PGRMC2: variants seen among roughly 807,000 people sequenced by gnomAD.
The protein encoded by PGRMC2 is membrane-associated progesterone receptor component 2.
Under a neutral mutation model 19.3 loss-of-function variants are expected in PGRMC2, and 9 were observed. The ratio of observed to expected loss-of-function variants is 0.47; its 90% CI spans 0.28 to 0.81. The LOEUF is 0.81. Among genes scored for constraint, PGRMC2 ranks in the 40% least tolerant of loss-of-function variants. The pLI, the probability that PGRMC2 is intolerant of heterozygous loss-of-function variation, is 0.11. For synonymous variants in PGRMC2, 157 were observed against 124.6 expected (o/e 1.26, Z -1.73); for missense variants, 289 against 297.3 (o/e 0.97, Z 0.21).
At chr4:128,275,724 A>T (rs759722146) in intron 1 of PGRMC2, among the ~76,000 whole-genome samples, 1 of 152,122 alleles carries the variant, frequency 6.6e-6, no homozygotes, top group Non-Finnish European at 1.5e-5. Context: ...CCATTAAAAA[A>T]ATTTTTTTTG....
At chr4:128,285,496 GTCTC>G (rs1375055100) in intron 1 of PGRMC2, among the ~76,000 whole-genome samples, 1 of 152,184 alleles carries the variant, frequency 6.6e-6, no homozygotes, top group Non-Finnish European at 1.5e-5. Context: ...TTCTATGACT[GTCTC>G]TCTTAGCTAT....
intron 1 of PGRMC2, among the ~76,000 whole-genome samples, chr4:128,284,153 G>A (rs1760951043): frequency 6.6e-6 from 1 of 151,996 alleles, no homozygotes. Context: ...TTGGATTTAT[G>A]GGAACCAGGG....
At chr4:128,272,224 C>G (rs1760741114) in intron 2 of PGRMC2, 138 bp downstream of exon 2, 1 of 528,602 alleles carries the variant, frequency 1.9e-6, no homozygotes, top group African/African-American at 2.0e-5. Flanking sequence ...CCAGCTTTAG[C>G]TATCTTTAAA....
chr4:128,279,565 A>G (rs1760872467), intron 1 of PGRMC2, among the ~76,000 whole-genome samples: 1 of 152,224 alleles, frequency 6.6e-6, no homozygotes, highest in African/African-American at 2.4e-5. Context: ...AATTTTACAC[A>G]CATGTGTAAA....
chr4:128,272,577 G>GAAAAAAAAA (rs1760747896), intron 1 of PGRMC2, 60 bp from the exon 2 acceptor site: 1 of 479,924 alleles, frequency 2.1e-6, no homozygotes, highest in Non-Finnish European at 2.9e-6. Context: ...TGTCTCAAAG[G>GAAAAAAAAA]AAAAAGTAAA....
At chr4:128,272,583 G>C in intron 1 of PGRMC2, 66 bp from the exon 2 acceptor site, 6 of 184,036 alleles carry the variant, frequency 3.3e-5, no homozygotes, top group Non-Finnish European at 3.3e-5. Context: ...AAAGGAAAAA[G>C]TAAAAAAAAA....
chr4:128,285,911 G>A (rs562211927), intron 1 of PGRMC2, among the ~76,000 whole-genome samples: 2 of 152,060 alleles, frequency 1.3e-5, no homozygotes, highest in African/African-American at 4.8e-5. Flanking sequence ...TGTAAGCTAT[G>A]TATTTACTTG....
intron 1 of PGRMC2, 102 bp downstream of exon 1, chr4:128,287,271 A>G: frequency 2.2e-6 from 3 of 1,370,104 alleles, no homozygotes; most frequent in Non-Finnish European, 2.9e-6. Context: ...CCCGGAGACG[A>G]GAAGGCTGGG....
intron 1 of PGRMC2, among the ~76,000 whole-genome samples, chr4:128,276,242 T>G (rs979727149): frequency 6.6e-6 from 1 of 152,246 alleles, no homozygotes; most frequent in Non-Finnish European, 1.5e-5. Context: ...GTAAGTATAC[T>G]TGGCTATTCA....
At chr4:128,275,440 TAA>T (rs1186203344) in intron 1 of PGRMC2, among the ~76,000 whole-genome samples, 6 of 152,172 alleles carry the variant, frequency 3.9e-5, no homozygotes, top group Non-Finnish European at 8.8e-5. Context: ...AAAAATTTCA[TAA>T]AATATGCTCT....
rs1215527014 is a variant in PGRMC2, at chr4:128,272,473, G to A, written c.463C>T (p.Leu155=). Residue 155 remains leucine (L), a synonymous_variant, in exon 2 of 3, where the codon CTG becomes TTG. Coordinates refer to ENST00000296425, the MANE Select transcript of PGRMC2 (RefSeq NM_006320.6). The part of the protein sequence containing the change: ...IFAGRDASRG[L]ATFCLDKDAL... ...TCTTTATCTAGGCAAAATGTGGCCA[G>A]TCCTCTGGAGGCATCCCTACCAGCA... The A allele has an allele frequency of 1.3e-6, 2 of 1,556,912 alleles. No individual in the cohort carries two copies. Among genetic ancestry groups the A allele is most frequent in the African/African-American group, 1.4e-5 (1 of 72,104 alleles).
rs999450926 is a variant in PGRMC2, at chr4:128,287,254, C to T, written c.418+119G>A. 28 of 1,221,424 alleles carry T rather than the reference C, an allele frequency of 2.3e-5. No individual in the cohort carries two copies. The Admixed American group carries it at 2.8e-4, about 12-fold the overall frequency. 75.7% of individuals were successfully genotyped at this position (1,221,424 alleles called of 1,614,324 possible). On this transcript the variant is annotated intron_variant, in intron 1 of 2. Coordinates refer to ENST00000296425, the MANE Select transcript of PGRMC2 (RefSeq NM_006320.6). ...CGTCCCAGGTGCGGCGGCCGAGGCG[C>T]GGGGGTCCCGGAGACGAGAAGGCTG...
chr4:128,277,189 CAAAA>C (rs1336652318), intron 1 of PGRMC2, among the ~76,000 whole-genome samples: 1 of 150,198 alleles, frequency 6.7e-6, no homozygotes, highest in East Asian at 1.9e-4. Context: ...AACAAACAAA[CAAAA>C]CAAACCCAAC....
intron 1 of PGRMC2, among the ~76,000 whole-genome samples, chr4:128,280,711 C>T (rs1760896337): frequency 6.6e-6 from 1 of 152,030 alleles, no homozygotes; most frequent in African/African-American, 2.4e-5. Flanking sequence ...GATCTTAATA[C>T]CTCAGACTCT....
intron 1 of PGRMC2, among the ~76,000 whole-genome samples, chr4:128,276,613 G>A (rs1760817466): frequency 1.3e-5 from 2 of 152,178 alleles, no homozygotes; most frequent in Admixed American, 1.3e-4. Flanking sequence ...ATGAGCCACT[G>A]TGCCCAGCCT....
rs946654485 is a variant in PGRMC2, at chr4:128,279,687, T to C, written c.419-7170A>G. Among the ~76,000 whole-genome samples, 7 of 152,232 alleles carry C rather than the reference T, an allele frequency of 4.6e-5. No individual in the cohort carries two copies. The East Asian group carries it at 1.3e-3, about 29-fold the overall frequency. The stretch of plus-strand genomic sequence containing the variant: ...TTCATAAAATAGAATATTATGCATG[T>C]ATTCAAAAGAATAAGATGGCTCTCT... On this transcript the variant is annotated intron_variant, in intron 1 of 2. Coordinates refer to ENST00000296425, the MANE Select transcript of PGRMC2 (RefSeq NM_006320.6).
intron 1 of PGRMC2, among the ~76,000 whole-genome samples, chr4:128,274,503 T>A (rs1398403307): frequency 8.3e-6 from 1 of 119,926 alleles, no homozygotes; most frequent in Non-Finnish European, 1.6e-5. Flanking sequence ...AAAGCAAGAC[T>A]CCTTCTCCAA....
At chr4:128,275,551 T>C (rs1022357302) in intron 1 of PGRMC2, among the ~76,000 whole-genome samples, 1 of 152,216 alleles carries the variant, frequency 6.6e-6, no homozygotes, top group Non-Finnish European at 1.5e-5. Flanking sequence ...TGATGTTCTG[T>C]TGACTCTTGA....
At chr4:128,272,710 G>T (rs1354314390) in intron 1 of PGRMC2, 193 bp from the exon 2 acceptor site, 2 of 384,218 alleles carry the variant, frequency 5.2e-6, no homozygotes, top group African/African-American at 4.2e-5. Context: ...TTGGAAATCT[G>T]CCTTTTGACC....
Sources: allele counts gnomAD v4.1 joint callset (sites outside exome capture counted in the v4.1 genomes callset), GRCh38; gene constraint gnomAD v4.1.1; transcripts MANE v1.5; gene names NCBI Gene and HGNC (gene_info 2026-07-23, HGNC 2026-07-21).